Variants in ERC2 observed in about 807,000 individuals in gnomAD.
ERC2 encodes the protein ERC protein 2.
ERC2 carries 42 observed loss-of-function variants against 114.8 expected under a neutral mutation model. That is an observed-to-expected ratio of 0.37 (90% CI 0.29 to 0.47). ERC2 has a LOEUF of 0.47. ERC2 is among the 20% of genes least tolerant of loss of function. The pLI is 0.99. For synonymous variants in ERC2, 454 were observed against 425.5 expected (o/e 1.07, Z -0.82); for missense variants, 939 against 1,150.7 (o/e 0.82, Z 2.66).
chr3:56,021,641 G>A (rs1379494516), intron 7 of ERC2, among the ~76,000 whole-genome samples: 1 of 151,818 alleles, frequency 6.6e-6, no homozygotes, highest in East Asian at 1.9e-4. Flanking sequence ...GTGTCAAGGG[G>A]GTTTGTTGTA....
intron 7 of ERC2, among the ~76,000 whole-genome samples, chr3:56,034,592 C>A (rs1372977108): frequency 2.0e-5 from 3 of 152,270 alleles, no homozygotes; most frequent in Non-Finnish European, 2.9e-5. Context: ...GGCCACCAAA[C>A]AGTCTTGAAA....
chr3:55,855,066 C>A (rs2061733389), intron 14 of ERC2, among the ~76,000 whole-genome samples: 2 of 152,130 alleles, frequency 1.3e-5, no homozygotes, highest in South Asian at 4.1e-4. Flanking sequence ...TTCTCTCTTA[C>A]CAATGTTTAT....
At chr3:56,462,043 G>A (rs2063339913) in intron 1 of ERC2, among the ~76,000 whole-genome samples, 1 of 152,148 alleles carries the variant, frequency 6.6e-6, no homozygotes, top group Non-Finnish European at 1.5e-5. Flanking sequence ...AGCACCTTCT[G>A]ACCTTACCCT....
intron 14 of ERC2, among the ~76,000 whole-genome samples, chr3:55,813,969 C>A (rs911035480): frequency 2.0e-5 from 3 of 152,118 alleles, no homozygotes; most frequent in South Asian, 2.1e-4. Context: ...CACTTCAAAG[C>A]ATGTGAAAGG....
chr3:55,636,016 C>G (rs553088779), intron 17 of ERC2, among the ~76,000 whole-genome samples: 1 of 151,950 alleles, frequency 6.6e-6, no homozygotes, highest in Non-Finnish European at 1.5e-5. Flanking sequence ...GCTGGGATTA[C>G]AGGACTGTGC....
chr3:55,564,692 A>G (rs1489349339), intron 17 of ERC2, among the ~76,000 whole-genome samples: 1 of 152,244 alleles, frequency 6.6e-6, no homozygotes, highest in Non-Finnish European at 1.5e-5. Flanking sequence ...AATGAAATAT[A>G]AGCAGAGGGA....
At chr3:55,983,593 T>A (rs1371726818) in intron 12 of ERC2, among the ~76,000 whole-genome samples, 1 of 152,178 alleles carries the variant, frequency 6.6e-6, no homozygotes, top group Non-Finnish European at 1.5e-5. Context: ...GGAAATGAAG[T>A]CATCTGAAAA....
chr3:56,359,005 A>G (rs2058847870), intron 2 of ERC2, among the ~76,000 whole-genome samples: 1 of 152,272 alleles, frequency 6.6e-6, no homozygotes, highest in African/African-American at 2.4e-5. Flanking sequence ...TGGGTAGGGT[A>G]GATGGCCTAA....
chr3:56,135,867 A>G (rs1006383134), intron 6 of ERC2, among the ~76,000 whole-genome samples: 3 of 152,198 alleles, frequency 2.0e-5, no homozygotes, highest in African/African-American at 7.2e-5. Context: ...TATTTTCTCT[A>G]CTGCTGTGGA....
At chr3:56,397,986 G>A (rs1001445917) in intron 2 of ERC2, among the ~76,000 whole-genome samples, 13 of 152,096 alleles carry the variant, frequency 8.5e-5, no homozygotes, top group African/African-American at 2.7e-4. Context: ...TGTATACTAC[G>A]CATACTTACA....
At chr3:55,981,682 T>A (rs1200382056) in intron 12 of ERC2, among the ~76,000 whole-genome samples, 1 of 152,182 alleles carries the variant, frequency 6.6e-6, no homozygotes, top group Non-Finnish European at 1.5e-5. Flanking sequence ...GAAGATCTTT[T>A]CCCCTCTCCT....
intron 14 of ERC2, among the ~76,000 whole-genome samples, chr3:55,866,219 T>A (rs1259666265): frequency 6.6e-6 from 1 of 152,192 alleles, no homozygotes; most frequent in Non-Finnish European, 1.5e-5. Flanking sequence ...ACTTTAAGCA[T>A]CTTTTCATAT....
chr3:56,463,169 A>G (rs1293300794), intron 1 of ERC2, among the ~76,000 whole-genome samples: 1 of 152,190 alleles, frequency 6.6e-6, no homozygotes, highest in African/African-American at 2.4e-5. Flanking sequence ...TCAAGGCTGC[A>G]GTGAGCTGAG....
At chr3:56,210,898 A>G (rs1575844882) in intron 3 of ERC2, among the ~76,000 whole-genome samples, 1 of 152,262 alleles carries the variant, frequency 6.6e-6, no homozygotes, top group South Asian at 2.1e-4. Context: ...TCCATTTTAC[A>G]GAAGTTGAAA....
chr3:55,885,846 G>T (rs1257357188), intron 14 of ERC2, among the ~76,000 whole-genome samples: 1 of 152,142 alleles, frequency 6.6e-6, no homozygotes, highest in Non-Finnish European at 1.5e-5. Context: ...ATTACAGGAG[G>T]AAACTGGAAG....
chr3:55,924,373 C>T (rs1460102086), intron 13 of ERC2, among the ~76,000 whole-genome samples: 1 of 152,020 alleles, frequency 6.6e-6, no homozygotes, highest in Non-Finnish European at 1.5e-5. Context: ...TCTAATGAAA[C>T]TATGCATAAA....
At chr3:55,801,993 T>G (rs9850511) in intron 14 of ERC2, among the ~76,000 whole-genome samples, 8,213 of 152,266 alleles carry the variant, frequency 0.054, 311 homozygotes, top group African/African-American at 0.1. Flanking sequence ...GATGCTGCTG[T>G]TTCAGGGACC....
At chr3:55,786,531 A>G (rs957188577) in intron 14 of ERC2, among the ~76,000 whole-genome samples, 1 of 152,222 alleles carries the variant, frequency 6.6e-6, no homozygotes, top group African/African-American at 2.4e-5. Context: ...GACACTTACT[A>G]TGAACCAAGC....
At chr3:55,840,667 A>C (rs552508552) in intron 14 of ERC2, among the ~76,000 whole-genome samples, 2 of 152,220 alleles carry the variant, frequency 1.3e-5, no homozygotes, top group East Asian at 3.9e-4. Context: ...GTGCATAAAA[A>C]GGCTTATAGA....
Sources: gnomAD v4.1 joint callset for allele counts (sites outside exome capture counted in the v4.1 genomes callset) on GRCh38, gnomAD v4.1.1 for gene constraint, MANE v1.5 for transcripts, NCBI Gene and HGNC (gene_info 2026-07-23, HGNC 2026-07-21) for gene names.